Variants in LZTFL1 observed in about 807,000 individuals in gnomAD.
LZTFL1 encodes leucine zipper transcription factor-like protein 1.
In LZTFL1, 25 loss-of-function variants were observed where a neutral mutation model predicts 45.9. The observed-to-expected ratio is 0.54, with a 90% CI of 0.40 to 0.76. The LOEUF (loss-of-function observed/expected upper bound fraction) is 0.76, where lower values mean the gene tolerates loss of function less well. Among genes scored for constraint, LZTFL1 ranks in the 30% least tolerant of loss-of-function variants. The probability of loss-of-function intolerance (pLI) is 0.00; values close to 1 mark genes in which losing one functional copy is unlikely to be tolerated. For missense variants in LZTFL1, 277 were observed against 331.1 expected (o/e 0.84, Z 1.27); for synonymous variants, 93 against 117.4 (o/e 0.79, Z 1.35).
chr3:45,896,283 T>C (rs1017326602), intron 2 of LZTFL1, among the ~76,000 whole-genome samples: 2 of 152,224 alleles, frequency 1.3e-5, no homozygotes, highest in African/African-American at 4.8e-5. Context: ...TCTTGGATAA[T>C]AGCCAACTCT....
intron 2 of LZTFL1, among the ~76,000 whole-genome samples, chr3:45,868,656 A>AG (rs953426652): frequency 3.5e-4 from 53 of 150,702 alleles, no homozygotes; most frequent in Non-Finnish European, 5.1e-4. Context: ...AGTCAGTGGT[A>AG]GGGGGGGTAA....
At chr3:45,848,510 CAT>C (rs1701254558) in intron 4 of LZTFL1, among the ~76,000 whole-genome samples, 1 of 152,202 alleles carries the variant, frequency 6.6e-6, no homozygotes, top group Non-Finnish European at 1.5e-5. Context: ...TACTATGACA[CAT>C]AATTTACTGG....
At chr3:45,867,366 C>T (rs1345143213) in intron 2 of LZTFL1, among the ~76,000 whole-genome samples, 11 of 152,114 alleles carry the variant, frequency 7.2e-5, no homozygotes, top group East Asian at 3.9e-4. Flanking sequence ...TGGGCACTTC[C>T]GGGCCATTCT....
rs1702572232 is a variant in LZTFL1 at position 45,901,870 on chromosome 3, A to T, written c.-215+11250T>A. ...TTGAAGCTGTCGTCTATGTTGCTGG[A>T]GACAACCTCAGGAGCACTCTCCCTC... On this transcript the variant is annotated intron_variant, in intron 2 of 4. Transcript: ENST00000472635. This position sits in a 1 kb window ranked among gnomAD's most constrained non-coding sequence, Gnocchi z 4.3. 1.9e-6 allele frequency: 3 copies of T among 1,607,016 alleles called. No homozygotes were observed. The highest frequency in any genetic ancestry group is 2.6e-6 in the Non-Finnish European group (3 of 1,174,702).
chr3:45,873,849 G>A (rs868620386), intron 2 of LZTFL1, among the ~76,000 whole-genome samples: 2 of 152,076 alleles, frequency 1.3e-5, no homozygotes, highest in African/African-American at 4.8e-5. Flanking sequence ...ACAGGCTTAC[G>A]TGCCACCTGT....
Position 45,832,808 on chromosome 3 carries a change from C to T in LZTFL1, c.456+242G>A, listed in dbSNP as rs142950011. The T allele has an allele frequency of 1.2e-3, 435 of 365,104 alleles. 7 individuals carry two copies. In the East Asian group the frequency reaches 0.016, roughly 13 times the overall value. The allele number at this position is 365,104 out of a possible 1,614,324, so 22.6% of individuals were successfully genotyped here. A position where few individuals can be genotyped will look rare whatever the true frequency, so the allele number is the denominator to read the frequency against. On this transcript the variant is annotated intron_variant, in intron 5 of 9. Transcript: ENST00000296135. ...CAAACTTTAAATGTCCATCAATAAACGCTGTCCAAAATTTCATGCTCTTCA... is the reference window on the plus strand; with the variant it reads ...CAAACTTTAAATGTCCATCAATAAATGCTGTCCAAAATTTCATGCTCTTCA...
At chr3:45,855,566 A>T (rs1366505993) in intron 3 of LZTFL1, among the ~76,000 whole-genome samples, 2 of 152,200 alleles carry the variant, frequency 1.3e-5, no homozygotes, top group East Asian at 3.8e-4. Context: ...TGGACAGGAC[A>T]ATCAGGCAAG....
chr3:45,912,209 C>T (rs903113913), intron 2 of LZTFL1, among the ~76,000 whole-genome samples: 1 of 152,096 alleles, frequency 6.6e-6, no homozygotes, highest in African/African-American at 2.4e-5. Context: ...TGTGTTTTTG[C>T]GTACTTGTAT....
In LZTFL1 at chr3:45,832,908, T is replaced by C. The variant is rs146123070; in HGVS notation, c.456+142A>G. Reference sequence around the variant, plus strand: ...GTTAAGTATGCCCTCTTCTGGCCCATGGGGTACCATCAAGTAAAACTACTG... The same window carrying C: ...GTTAAGTATGCCCTCTTCTGGCCCACGGGGTACCATCAAGTAAAACTACTG... On this transcript the variant is annotated intron_variant, in intron 5 of 9. Transcript: ENST00000296135. 3,940 of 620,520 alleles carry C rather than the reference T, an allele frequency of 6.3e-3. 31 individuals carry two copies. The highest frequency in any genetic ancestry group is 0.019 in the Middle Eastern group (74 of 3,878). 38.4% of individuals were successfully genotyped at this position (620,520 alleles called of 1,614,324 possible).
intron 2 of LZTFL1, among the ~76,000 whole-genome samples, chr3:45,862,695 G>A (rs1701510123): frequency 6.6e-6 from 1 of 152,224 alleles, no homozygotes; most frequent in South Asian, 2.1e-4. Context: ...AGGCTTAGAA[G>A]CATCTTAAAG....
chr3:45,837,889 T>C (rs764485910), intron 2 of LZTFL1, 38 bp downstream of exon 2: 3 of 1,556,422 alleles, frequency 1.9e-6, no homozygotes, highest in African/African-American at 1.4e-5. Flanking sequence ...AAAGAATCCA[T>C]GTTCCTATTT....
rs908783624 is a variant in LZTFL1, at chr3:45,908,838, C to T, written c.-215+4282G>A. Among the ~76,000 whole-genome samples the T allele has an allele frequency of 9.2e-5, 14 of 152,192 alleles. No individual in the cohort carries two copies. In the South Asian group the frequency reaches 2.1e-3, roughly 23 times the overall value. On this transcript the variant is annotated intron_variant, in intron 2 of 4. Coordinates refer to the LZTFL1 transcript ENST00000472635. ...AGGGAATAGTATTAATGCAGGGGTC[C>T]CCAACCCCTGGGCCACAGACCACTA...
At chr3:45,860,487 A>G (rs936785734) in intron 2 of LZTFL1, among the ~76,000 whole-genome samples, 3 of 151,488 alleles carry the variant, frequency 2.0e-5, no homozygotes, top group Non-Finnish European at 1.5e-5. Context: ...GTTTTTTGGT[A>G]GGTGGTGAAA....
intron 2 of LZTFL1, among the ~76,000 whole-genome samples, chr3:45,879,125 C>G (rs1559417182): frequency 6.6e-6 from 1 of 152,208 alleles, no homozygotes; most frequent in Non-Finnish European, 1.5e-5. Flanking sequence ...TAAACATACT[C>G]TCACCGTATG....
rs1266929937 is a variant in LZTFL1, at chr3:45,901,944, T to C, written c.-215+11176A>G. ...TGGTTCTTTTGGAAGAAATGAGAAA[T>C]ACAGAAACAGTTTCCCCACTGATGG... On this transcript the variant is annotated intron_variant, in intron 2 of 4. Coordinates refer to the LZTFL1 transcript ENST00000472635. This position sits in a 1 kb window ranked among gnomAD's most constrained non-coding sequence, Gnocchi z 4.3. 1.3e-6 allele frequency: 2 copies of C among 1,487,044 alleles called. No individual in the cohort carries two copies. The highest frequency in any genetic ancestry group is 1.8e-6 in the Non-Finnish European group (2 of 1,104,516). 92.1% of individuals were successfully genotyped at this position (1,487,044 alleles called of 1,614,324 possible).
At chr3:45,883,300 A>G (rs1701895730) in intron 2 of LZTFL1, among the ~76,000 whole-genome samples, 1 of 152,232 alleles carries the variant, frequency 6.6e-6, no homozygotes, top group African/African-American at 2.4e-5. Flanking sequence ...TCATGTAGTA[A>G]TAGTAATAAA....
chr3:45,877,726 T>G (rs1172751886), intron 2 of LZTFL1, among the ~76,000 whole-genome samples: 3 of 151,676 alleles, frequency 2.0e-5, no homozygotes, highest in African/African-American at 4.8e-5. Context: ...AAAGCATAAT[T>G]TATTTCATTT....
At chr3:45,904,349 C>T (rs980875226) in intron 2 of LZTFL1, among the ~76,000 whole-genome samples, 1 of 152,218 alleles carries the variant, frequency 6.6e-6, no homozygotes, top group Admixed American at 6.5e-5. Flanking sequence ...GTGATGCTGT[C>T]CTGCTATCTA....
chr3:45,868,190 T>TATAA (rs1553614937), intron 2 of LZTFL1, among the ~76,000 whole-genome samples: 15 of 146,896 alleles, frequency 1.0e-4, no homozygotes, highest in East Asian at 6.0e-4. Flanking sequence ...TATATATATA[T>TATAA]AAATTTTTAA....
Sources: gnomAD v4.1 joint callset for allele counts (sites outside exome capture counted in the v4.1 genomes callset) on GRCh38, gnomAD v4.1.1 for gene constraint, Gnocchi (gnomAD v3.1) non-coding constraint, MANE v1.5 for transcripts, NCBI Gene and HGNC (gene_info 2026-07-23, HGNC 2026-07-21) for gene names.